Variants in WDR25 observed in about 807,000 individuals in gnomAD.
WDR25 encodes WD repeat domain 25.
WDR25 carries 35 observed loss-of-function variants against 47.7 expected under a neutral mutation model. The observed-to-expected ratio is 0.73, with a 90% CI of 0.56 to 0.97. The LOEUF (loss-of-function observed/expected upper bound fraction) is 0.97. Ranked by LOEUF, WDR25 falls within the 50% of genes least tolerant of loss-of-function variation. The pLI, the probability that WDR25 is intolerant of heterozygous loss-of-function variation, is 0.00. For missense variants in WDR25, 634 were observed against 704.7 expected, an observed-to-expected ratio of 0.90 and a Z score of 1.14; for synonymous variants, 248 against 278.9, an observed-to-expected ratio of 0.89 and a Z score of 1.10.
At chr14:100,411,306 A>C (rs1417080042) in intron 2 of WDR25, among the ~76,000 whole-genome samples, 1 of 152,098 alleles carries the variant, frequency 6.6e-6, no homozygotes, top group Non-Finnish European at 1.5e-5. Flanking sequence ...AATAGTACAG[A>C]GGGTCTCATG....
At chr14:100,423,573 C>T (rs949596740) in intron 2 of WDR25, among the ~76,000 whole-genome samples, 6 of 152,146 alleles carry the variant, frequency 3.9e-5, no homozygotes, top group African/African-American at 7.2e-5. Context: ...AACCTGCTGA[C>T]GTCACTCAAA....
At chr14:100,485,501 G>A (rs1900352877) in intron 4 of WDR25, among the ~76,000 whole-genome samples, 1 of 152,248 alleles carries the variant, frequency 6.6e-6, no homozygotes, top group Admixed American at 6.5e-5. Flanking sequence ...AGACAGGGCA[G>A]ATACAGGAGG....
In WDR25 at chr14:100,468,644, C is replaced by T. The variant is rs1595120523; in HGVS notation, c.970+476C>T. Among the ~76,000 whole-genome samples, 3 of 152,092 alleles carry T rather than the reference C, an allele frequency of 2.0e-5. No homozygotes were observed. The highest frequency in any genetic ancestry group is 4.8e-5 in the African/African-American group (2 of 41,402). On this transcript the variant is annotated intron_variant, in intron 3 of 6. Coordinates refer to ENST00000402312, the MANE Select transcript of WDR25 (RefSeq NM_001161476.3). This position sits in a 1 kb window ranked among gnomAD's most constrained non-coding sequence, Gnocchi z 4.5. Reference sequence around the variant, plus strand: ...AAAAGGCACTTGGGTAGGATGGATTCGTGCCGGGTAAATCCTGAGAGGGCT... The same window carrying T: ...AAAAGGCACTTGGGTAGGATGGATTTGTGCCGGGTAAATCCTGAGAGGGCT...
intron 2 of WDR25, among the ~76,000 whole-genome samples, chr14:100,382,782 C>T (rs1365188100): frequency 9.9e-5 from 15 of 152,208 alleles, no homozygotes; most frequent in Admixed American, 9.8e-4. Context: ...GCTTCACATC[C>T]AGCTTTGCTG....
intron 2 of WDR25, among the ~76,000 whole-genome samples, chr14:100,421,794 A>G (rs377470193): frequency 6.6e-6 from 1 of 152,226 alleles, no homozygotes; most frequent in East Asian, 1.9e-4. Context: ...AGGTTTATGT[A>G]CATGTTATTA....
intron 2 of WDR25, among the ~76,000 whole-genome samples, chr14:100,465,951 C>T (rs986095228): frequency 2.6e-5 from 4 of 152,168 alleles, no homozygotes; most frequent in African/African-American, 9.7e-5. Context: ...CATTGTACTT[C>T]GTATATGCAG....
At chr14:100,450,186 C>G (rs537803012) in intron 2 of WDR25, among the ~76,000 whole-genome samples, 17 of 152,316 alleles carry the variant, frequency 1.1e-4, no homozygotes, top group African/African-American at 4.1e-4. Context: ...GTCTGCTGAG[C>G]CCTGGGTGAC....
intron 4 of WDR25, among the ~76,000 whole-genome samples, chr14:100,519,975 T>C (rs1034929515): frequency 2.7e-5 from 4 of 145,472 alleles, no homozygotes; most frequent in South Asian, 4.2e-4. Context: ...ATATATATGG[T>C]ATATATAGTA....
At chr14:100,401,063 TTTAA>T (rs1897367065) in intron 2 of WDR25, among the ~76,000 whole-genome samples, 1 of 152,252 alleles carries the variant, frequency 6.6e-6, no homozygotes, top group Non-Finnish European at 1.5e-5. Flanking sequence ...AATAAGCGTG[TTTAA>T]TTATTCAAGT....
At chr14:100,421,741 G>A (rs1385636576) in intron 2 of WDR25, among the ~76,000 whole-genome samples, 2 of 152,156 alleles carry the variant, frequency 1.3e-5, no homozygotes, top group African/African-American at 4.8e-5. Context: ...TCCTGCATAT[G>A]TTATGAATGA....
chr14:100,376,935 A>G, intron 1 of WDR25: 1 of 256,578 alleles, frequency 3.9e-6, no homozygotes, highest in East Asian at 1.1e-4. Context: ...TAGTGAACAA[A>G]ACACAGAAAG....
At chr14:100,480,129 T>C (rs1900151196) in intron 3 of WDR25, among the ~76,000 whole-genome samples, 1 of 152,214 alleles carries the variant, frequency 6.6e-6, no homozygotes, top group Admixed American at 6.5e-5. Context: ...GACTGCTGTT[T>C]GTGATTCCAG....
intron 4 of WDR25, among the ~76,000 whole-genome samples, chr14:100,512,172 A>G (rs981822282): frequency 3.3e-5 from 5 of 152,184 alleles, no homozygotes; most frequent in Middle Eastern, 3.2e-3. Flanking sequence ...TCGTGTAAAA[A>G]TTGACATTAT....
chr14:100,513,364 A>G (rs987236636), intron 4 of WDR25, among the ~76,000 whole-genome samples: 1 of 152,228 alleles, frequency 6.6e-6, no homozygotes, highest in African/African-American at 2.4e-5. Context: ...CTCTTCTGCC[A>G]TGTGAGGACA....
chr14:100,430,925 A>G lies in WDR25; in HGVS notation c.823-37096A>G, dbSNP rs555722181. On this transcript the variant is annotated intron_variant, in intron 2 of 6. Transcript: ENST00000402312. This position sits in a 1 kb window ranked among gnomAD's most constrained non-coding sequence, Gnocchi z 4.7. ...TGTCCTCTGGCCTCAGCCTGCAGGA[A>G]TAAATCGCTGGTGAAGGGCTTCCTT... Among the ~76,000 whole-genome samples the G allele has an allele frequency of 1.4e-4, 21 of 152,304 alleles. No homozygotes were observed. The highest frequency in any genetic ancestry group is 5.1e-4 in the African/African-American group (21 of 41,562).
At chr14:100,474,238 C>T (rs1007021526) in intron 3 of WDR25, among the ~76,000 whole-genome samples, 3 of 152,166 alleles carry the variant, frequency 2.0e-5, no homozygotes, top group African/African-American at 7.2e-5. Flanking sequence ...TTTTCTCTTT[C>T]CTTACTTCTT....
intron 3 of WDR25, among the ~76,000 whole-genome samples, chr14:100,479,839 C>T (rs912899780): frequency 6.6e-6 from 1 of 152,132 alleles, no homozygotes; most frequent in East Asian, 1.9e-4. Context: ...AGATCAGCAG[C>T]AGCATCAGAT....
chr14:100,472,720 C>T (rs536109668), intron 3 of WDR25, among the ~76,000 whole-genome samples: 1 of 152,370 alleles, frequency 6.6e-6, no homozygotes, highest in Non-Finnish European at 1.5e-5. Context: ...AGGCCTTGGG[C>T]CATCATGGGT....
Position 100,425,584 on chromosome 14 carries a change from G to C in WDR25, c.823-42437G>C, listed in dbSNP as rs116784474. ...CTGGCAGCCCAGCTCTCCTAAACAT[G>C]AAGCTCATCAGGCAGCACCGTCGGA... is the stretch of plus-strand genomic sequence containing the variant. On this transcript the variant is annotated intron_variant, in intron 2 of 6. Transcript: ENST00000402312. This position sits in a 1 kb window ranked among gnomAD's most constrained non-coding sequence, Gnocchi z 4.8. Among the ~76,000 whole-genome samples, 2,006 of 152,324 alleles carry C rather than the reference G, an allele frequency of 0.013. 46 individuals are homozygous for C. The highest frequency in any genetic ancestry group is 0.046 in the African/African-American group (1,895 of 41,576).
Sources: allele counts gnomAD v4.1 joint callset (sites outside exome capture counted in the v4.1 genomes callset), GRCh38; gene constraint gnomAD v4.1.1; non-coding constraint Gnocchi (gnomAD v3.1); transcripts MANE v1.5; gene names NCBI Gene and HGNC (gene_info 2026-07-23, HGNC 2026-07-21).